The following GRID1 variants were observed in gnomAD, a reference collection of about 807,000 sequenced individuals.
The protein encoded by GRID1 is glutamate ionotropic receptor delta type subunit 1.
In GRID1, 28 loss-of-function variants were observed where a neutral mutation model predicts 98.0. The observed-to-expected ratio is 0.29, with a 90% CI of 0.21 to 0.39. The LOEUF is 0.39. GRID1 is among the 10% of genes least tolerant of loss of function. GRID1 has a pLI of 1.00. For missense variants in GRID1, 1,111 were observed against 1,340.5 expected (o/e 0.83, Z 2.67); for synonymous variants, 553 against 538.5 (o/e 1.03, Z -0.37).
intron 2 of GRID1, among the ~76,000 whole-genome samples, chr10:86,274,868 T>C (rs1230270089): frequency 6.6e-6 from 1 of 151,860 alleles, no homozygotes; most frequent in Non-Finnish European, 1.5e-5. Context: ...CAGGGACAAT[T>C]TGACTTCCTC....
At chr10:86,165,240 T>G (rs1267370439) in intron 3 of GRID1, among the ~76,000 whole-genome samples, 1 of 152,088 alleles carries the variant, frequency 6.6e-6, no homozygotes, top group East Asian at 1.9e-4. Context: ...AGGAGCAGAG[T>G]GGGCAGAAAG....
chr10:85,826,582 T>C (rs1262541251), intron 8 of GRID1, among the ~76,000 whole-genome samples: 2 of 152,026 alleles, frequency 1.3e-5, no homozygotes, highest in East Asian at 3.9e-4. Context: ...TGCCCCACAC[T>C]TGCCAACACA....
At chr10:85,609,738 C>T (rs1842712911) in intron 15 of GRID1, among the ~76,000 whole-genome samples, 1 of 152,226 alleles carries the variant, frequency 6.6e-6, no homozygotes, top group Non-Finnish European at 1.5e-5. Context: ...AACAAGAATT[C>T]CAAACTCTGA....
intron 4 of GRID1, among the ~76,000 whole-genome samples, chr10:85,975,430 G>A (rs1425497030): frequency 6.6e-6 from 1 of 152,124 alleles, no homozygotes; most frequent in Non-Finnish European, 1.5e-5. Context: ...GCTCCTCCAG[G>A]CCATCCACAT....
At chr10:85,864,877 C>T (rs1412742442) in intron 6 of GRID1, among the ~76,000 whole-genome samples, 1 of 152,082 alleles carries the variant, frequency 6.6e-6, no homozygotes, top group Admixed American at 6.5e-5. Flanking sequence ...TTCAGGGATC[C>T]GGCTCCACAG....
chr10:85,903,065 T>C (rs926520870), intron 5 of GRID1, among the ~76,000 whole-genome samples: 2 of 152,030 alleles, frequency 1.3e-5, no homozygotes, highest in Non-Finnish European at 2.9e-5. Context: ...TCACATGAGG[T>C]TCAATATCCC....
At chr10:85,987,240 G>A (rs1282801075) in intron 4 of GRID1, among the ~76,000 whole-genome samples, 2 of 151,936 alleles carry the variant, frequency 1.3e-5, no homozygotes, top group African/African-American at 2.4e-5. Flanking sequence ...TGCCAGGATC[G>A]ACCGGCTGGT....
At chr10:85,657,092 C>T (rs539300968) in intron 12 of GRID1, among the ~76,000 whole-genome samples, 1 of 152,298 alleles carries the variant, frequency 6.6e-6, no homozygotes, top group South Asian at 2.1e-4. Context: ...TTAACCTTAT[C>T]CTGGTTTACT....
intron 8 of GRID1, among the ~76,000 whole-genome samples, chr10:85,825,856 C>CAAATATATATAAAT (rs1451054927): frequency 4.9e-4 from 74 of 151,690 alleles, no homozygotes; most frequent in African/African-American, 1.6e-3. Flanking sequence ...TTATCAATAA[C>CAAATATATATAAAT]TTATATTTTC....
intron 4 of GRID1, among the ~76,000 whole-genome samples, chr10:85,944,147 T>TGA (rs1227328951): frequency 5.3e-5 from 8 of 152,260 alleles, no homozygotes; most frequent in African/African-American, 1.9e-4. Flanking sequence ...CACAGATCTG[T>TGA]GAAGGAGCTA....
At chr10:86,275,806 C>T (rs1847260342) in intron 2 of GRID1, among the ~76,000 whole-genome samples, 1 of 152,022 alleles carries the variant, frequency 6.6e-6, no homozygotes, top group East Asian at 1.9e-4. Flanking sequence ...GACTAACATA[C>T]TCATTATGAG....
intron 4 of GRID1, among the ~76,000 whole-genome samples, chr10:86,093,189 A>G (rs1486896583): frequency 6.6e-6 from 1 of 152,218 alleles, no homozygotes; most frequent in Non-Finnish European, 1.5e-5. Context: ...CTGAATGACA[A>G]TAATGACACA....
chr10:85,958,211 TACTGATG>T, intron 4 of GRID1, among the ~76,000 whole-genome samples: 1 of 152,352 alleles, frequency 6.6e-6, no homozygotes, highest in Non-Finnish European at 1.5e-5. Flanking sequence ...GTAACTTTTT[TACTGATG>T]ACAGTCTCTC....
chr10:86,258,145 A>G (rs868127885), intron 2 of GRID1, among the ~76,000 whole-genome samples: 3 of 152,220 alleles, frequency 2.0e-5, no homozygotes, highest in Non-Finnish European at 4.4e-5. Flanking sequence ...AAAAATCCCT[A>G]CAGTCCAGTT....
intron 12 of GRID1, among the ~76,000 whole-genome samples, chr10:85,653,894 G>A (rs1374452345): frequency 1.3e-5 from 2 of 152,044 alleles, no homozygotes; most frequent in African/African-American, 4.8e-5. Context: ...CTCCAGAACT[G>A]TAAGAAATAA....
At chr10:86,330,566 C>T (rs868568052) in intron 2 of GRID1, among the ~76,000 whole-genome samples, 1 of 152,342 alleles carries the variant, frequency 6.6e-6, no homozygotes, top group South Asian at 2.1e-4. Context: ...GGAACAGCAT[C>T]TCACCCCGTT....
intron 3 of GRID1, among the ~76,000 whole-genome samples, chr10:86,185,938 G>T (rs1845720258): frequency 6.6e-6 from 1 of 152,190 alleles, no homozygotes; most frequent in African/African-American, 2.4e-5. Flanking sequence ...TGATCTAATA[G>T]TATAAGTTTG....
chr10:85,613,161 A>G (rs999971759), intron 15 of GRID1: 3 of 555,514 alleles, frequency 5.4e-6, no homozygotes, highest in African/African-American at 3.8e-5. Flanking sequence ...AGATAAATAC[A>G]GGACTTTAGT....
intron 12 of GRID1, among the ~76,000 whole-genome samples, chr10:85,654,021 A>T (rs1840863535): frequency 1.3e-5 from 2 of 152,240 alleles, no homozygotes; most frequent in African/African-American, 4.8e-5. Context: ...TGTGATTCTG[A>T]GTAGTGAGCA....
Sources: allele counts gnomAD v4.1 joint callset (sites outside exome capture counted in the v4.1 genomes callset), GRCh38; gene constraint gnomAD v4.1.1; transcripts MANE v1.5; gene names NCBI Gene and HGNC (gene_info 2026-07-23, HGNC 2026-07-21).